The following LRMDA variants were observed in gnomAD, a reference collection of about 807,000 sequenced individuals.
LRMDA encodes the protein leucine-rich melanocyte differentiation-associated protein.
LRMDA carries 18 observed loss-of-function variants against 29.8 expected under a neutral mutation model. The observed-to-expected ratio is 0.60, with a 90% CI of 0.42 to 0.90. LRMDA has a LOEUF of 0.90. LRMDA is among the 40% of genes least tolerant of loss of function. The pLI is 0.00. For missense variants in LRMDA, 273 were observed against 273.9 expected, an observed-to-expected ratio of 1.00 and a Z score of 0.02; for synonymous variants, 125 against 109.4, an observed-to-expected ratio of 1.14 and a Z score of -0.89.
At chr10:75,683,066 A>C (rs745501030) in intron 2 of LRMDA, among the ~76,000 whole-genome samples, 3 of 152,162 alleles carry the variant, frequency 2.0e-5, no homozygotes, top group African/African-American at 7.2e-5. Context: ...CGCGATGTAC[A>C]TTTCCTCTCC....
intron 2 of LRMDA, among the ~76,000 whole-genome samples, chr10:75,863,948 A>G (rs568842785): frequency 2.0e-5 from 3 of 151,388 alleles, no homozygotes; most frequent in African/African-American, 7.4e-5. Flanking sequence ...GCTTCTAAGG[A>G]TTTGAAGCTT....
chr10:75,861,191 A>G (rs572269423), intron 2 of LRMDA, among the ~76,000 whole-genome samples: 6 of 152,374 alleles, frequency 3.9e-5, no homozygotes, highest in African/African-American at 7.2e-5. Flanking sequence ...ATTGCTGATG[A>G]ATACCAACAG....
intron 6 of LRMDA, among the ~76,000 whole-genome samples, chr10:76,501,915 A>G (rs1393064223): frequency 6.6e-6 from 1 of 151,942 alleles, no homozygotes; most frequent in Non-Finnish European, 1.5e-5. Flanking sequence ...TTGGGGATTT[A>G]GCCCAAAATT....
At chr10:75,694,009 C>T (rs1486533292) in intron 2 of LRMDA, among the ~76,000 whole-genome samples, 2 of 151,948 alleles carry the variant, frequency 1.3e-5, no homozygotes, top group East Asian at 1.9e-4. Context: ...GAACATATTC[C>T]TGGGAAGGTA....
intron 6 of LRMDA, among the ~76,000 whole-genome samples, chr10:76,458,614 A>G (rs569415621): frequency 2.0e-5 from 3 of 152,194 alleles, no homozygotes; most frequent in African/African-American, 7.2e-5. Context: ...TGATCAGTGG[A>G]GCTCCTTTCT....
chr10:75,931,016 T>C (rs1319184092), intron 2 of LRMDA, among the ~76,000 whole-genome samples: 1 of 152,164 alleles, frequency 6.6e-6, no homozygotes, highest in Non-Finnish European at 1.5e-5. Flanking sequence ...AGTTGCAGGA[T>C]TTTGCCAACT....
chr10:76,115,411 C>G (rs1429057560), intron 5 of LRMDA, among the ~76,000 whole-genome samples: 2 of 152,238 alleles, frequency 1.3e-5, no homozygotes, highest in Non-Finnish European at 2.9e-5. Context: ...AGTAAGGAAG[C>G]AGAGTCGTCG....
chr10:76,480,087 A>AT (rs777069694), intron 6 of LRMDA, among the ~76,000 whole-genome samples: 4 of 151,952 alleles, frequency 2.6e-5, no homozygotes, highest in Admixed American at 6.6e-5. Flanking sequence ...TTTATAGATA[A>AT]GGAAACTGAG....
intron 2 of LRMDA, among the ~76,000 whole-genome samples, chr10:75,670,124 T>C (rs1180399946): frequency 6.6e-6 from 1 of 152,252 alleles, no homozygotes; most frequent in Non-Finnish European, 1.5e-5. Context: ...TGCGTCTTTA[T>C]AAAGCCTTGT....
At chr10:76,461,235 T>C (rs1247833423) in intron 6 of LRMDA, among the ~76,000 whole-genome samples, 1 of 152,148 alleles carries the variant, frequency 6.6e-6, no homozygotes, top group Admixed American at 6.5e-5. Flanking sequence ...GACCTCGCCA[T>C]GCATGGTGTG....
chr10:76,476,870 T>C (rs1842678755), intron 6 of LRMDA, among the ~76,000 whole-genome samples: 1 of 152,136 alleles, frequency 6.6e-6, no homozygotes, highest in East Asian at 1.9e-4. Flanking sequence ...CTAAAAACTC[T>C]CAATAAATTA....
At chr10:75,919,224 A>G (rs536635197) in intron 2 of LRMDA, among the ~76,000 whole-genome samples, 124 of 152,214 alleles carry the variant, frequency 8.1e-4, no homozygotes, top group African/African-American at 2.8e-3. Context: ...ATTTCTCTCT[A>G]TGGCCTGTAT....
chr10:76,348,150 A>G (rs1253798738), intron 6 of LRMDA, among the ~76,000 whole-genome samples: 2 of 152,160 alleles, frequency 1.3e-5, no homozygotes, highest in African/African-American at 4.8e-5. Flanking sequence ...AACAGAGATT[A>G]GAAATCAAAA....
intron 5 of LRMDA, among the ~76,000 whole-genome samples, chr10:76,136,262 G>C (rs1737884407): frequency 6.6e-6 from 1 of 152,198 alleles, no homozygotes; most frequent in African/African-American, 2.4e-5. Flanking sequence ...GAAGCTCAGA[G>C]TGTGGCCATT....
intron 5 of LRMDA, among the ~76,000 whole-genome samples, chr10:76,203,813 G>A (rs961727241): frequency 2.1e-5 from 3 of 142,644 alleles, no homozygotes; most frequent in Admixed American, 7.1e-5. Flanking sequence ...TCTATTTCAT[G>A]TGCCCATCCA....
At chr10:75,671,016 C>T (rs1841884864) in intron 2 of LRMDA, among the ~76,000 whole-genome samples, 2 of 152,122 alleles carry the variant, frequency 1.3e-5, no homozygotes, top group Non-Finnish European at 2.9e-5. Flanking sequence ...TGTGGTCCCT[C>T]TTGGGAAAGT....
chr10:76,353,360 G>A (rs938822399), intron 6 of LRMDA, among the ~76,000 whole-genome samples: 2 of 151,812 alleles, frequency 1.3e-5, no homozygotes, highest in African/African-American at 4.8e-5. Context: ...GTGTGTGTGT[G>A]TGAGATAGAT....
intron 2 of LRMDA, among the ~76,000 whole-genome samples, chr10:75,459,935 C>T (rs1844565337): frequency 6.6e-6 from 1 of 152,190 alleles, no homozygotes; most frequent in Admixed American, 6.5e-5. Context: ...TCGTATTAGG[C>T]TCCACCTCCT....
chr10:76,007,874 G>A (rs369531158), intron 2 of LRMDA, among the ~76,000 whole-genome samples: 1 of 152,134 alleles, frequency 6.6e-6, no homozygotes, highest in Non-Finnish European at 1.5e-5. Flanking sequence ...AAAACCAATG[G>A]TCATGATGGA....
Sources: allele counts gnomAD v4.1 joint callset (sites outside exome capture counted in the v4.1 genomes callset), GRCh38; gene constraint gnomAD v4.1.1; transcripts MANE v1.5; gene names NCBI Gene and HGNC (gene_info 2026-07-23, HGNC 2026-07-21).